The following KLF12 variants were observed in gnomAD, a reference collection of about 807,000 sequenced individuals.
The protein encoded by KLF12 is Krueppel-like factor 12.
In KLF12, 9 loss-of-function variants were observed where a neutral mutation model predicts 37.8. That is an observed-to-expected ratio of 0.24 (90% CI 0.14 to 0.42). The LOEUF is 0.42. Ranked by LOEUF, KLF12 falls within the 10% of genes least tolerant of loss-of-function variation. The probability of loss-of-function intolerance (pLI) is 1.00; values close to 1 mark genes in which losing one functional copy is unlikely to be tolerated. For missense variants in KLF12, 411 were observed against 516.0 expected (o/e 0.80, Z 1.97); for synonymous variants, 208 against 202.1 (o/e 1.03, Z -0.25).
chr13:74,133,676 CA>C (rs60415171), intron 1 of KLF12, among the ~76,000 whole-genome samples: 101,922 of 132,440 alleles, frequency 0.77, 38,712 homozygotes, highest in East Asian at 0.92. Flanking sequence ...TTTGGGATGG[CA>C]AAAAAAAAAA....
At chr13:73,812,575 T>C (rs1477754228) in intron 5 of KLF12, among the ~76,000 whole-genome samples, 1 of 151,946 alleles carries the variant, frequency 6.6e-6, no homozygotes, top group Non-Finnish European at 1.5e-5. Context: ...TTTTCAATCA[T>C]TTAGGTTCAA....
intron 1 of KLF12, among the ~76,000 whole-genome samples, chr13:74,012,569 C>G (rs950469833): frequency 1.3e-5 from 2 of 152,186 alleles, no homozygotes; most frequent in African/African-American, 2.4e-5. Context: ...ACAGTATCAT[C>G]TGGAAACTCA....
Position 73,970,013 on chromosome 13 carries a change from T to C in KLF12, c.33+24977A>G, listed in dbSNP as rs540963660. ...ACAGTGCTTAGTTAGGTTCAACAAA[T>C]GCTTGTTGTTTCACCTCCTCATGCC... On this transcript the variant is annotated intron_variant, in intron 2 of 7. Transcript: ENST00000377669. 7.9e-5 allele frequency among the ~76,000 whole-genome samples: 12 copies of C among 152,288 alleles called. No individual in the cohort carries two copies. In the East Asian group the frequency reaches 1.9e-3, roughly 25 times the overall value.
intron 2 of KLF12, among the ~76,000 whole-genome samples, chr13:73,945,823 C>A (rs1484080334): frequency 2.0e-5 from 3 of 152,162 alleles, no homozygotes; most frequent in Non-Finnish European, 4.4e-5. Context: ...TTTGACTTGT[C>A]CCTTTTTTCA....
chr13:74,013,521 T>C (rs575803697), intron 1 of KLF12, among the ~76,000 whole-genome samples: 3 of 152,218 alleles, frequency 2.0e-5, no homozygotes, highest in South Asian at 2.1e-4. Context: ...TAAACTCCTA[T>C]AGTAACAACA....
intron 2 of KLF12, among the ~76,000 whole-genome samples, chr13:73,947,992 G>A (rs569657131): frequency 6.6e-6 from 1 of 152,296 alleles, no homozygotes; most frequent in South Asian, 2.1e-4. Flanking sequence ...AAGGGTTCCT[G>A]TCATAAGTCA....
At chr13:73,874,832 G>A (rs1886628789) in intron 3 of KLF12, among the ~76,000 whole-genome samples, 1 of 152,084 alleles carries the variant, frequency 6.6e-6, no homozygotes, top group Non-Finnish European at 1.5e-5. Flanking sequence ...CAGGTTTTAA[G>A]TAAATCTCAC....
chr13:73,728,099 T>A (rs915002661), intron 6 of KLF12, among the ~76,000 whole-genome samples: 1 of 152,248 alleles, frequency 6.6e-6, no homozygotes, highest in East Asian at 1.9e-4. Context: ...ACCATGAATA[T>A]AGGACATCTT....
chr13:73,752,183 A>C (rs1046038817), intron 6 of KLF12, among the ~76,000 whole-genome samples: 1 of 152,040 alleles, frequency 6.6e-6, no homozygotes, highest in Non-Finnish European at 1.5e-5. Context: ...GGGTTTTGTC[A>C]TGCTGGCCAG....
At position 73,953,918 on chromosome 13, in the gene KLF12, T is replaced by C. The variant is rs554801199; in HGVS notation, c.34-9848A>G. On this transcript the variant is annotated intron_variant, in intron 2 of 7. Transcript: ENST00000377669. ...ATTTTTTCTTTGGCAGCCAGAAAAA[T>C]GTGCACACTGCTAAACAAGTAAACT... 1.5e-4 allele frequency among the ~76,000 whole-genome samples: 23 copies of C among 151,486 alleles called. No homozygotes were observed. In the South Asian group the frequency reaches 3.7e-3, roughly 25 times the overall value.
intron 4 of KLF12, among the ~76,000 whole-genome samples, chr13:73,819,128 A>G (rs1361552976): frequency 2.6e-5 from 4 of 152,194 alleles, no homozygotes; most frequent in African/African-American, 9.6e-5. Context: ...CTTTAGGATA[A>G]AAACATGGCT....
At chr13:73,859,454 A>AC (rs1246495710) in intron 3 of KLF12, among the ~76,000 whole-genome samples, 1 of 151,908 alleles carries the variant, frequency 6.6e-6, no homozygotes, top group Non-Finnish European at 1.5e-5. Flanking sequence ...GAAGAGAAAG[A>AC]CCTCCCGTCC....
chr13:73,845,749 C>T (rs1884975895), intron 4 of KLF12, 78 bp downstream of exon 4: 1 of 1,295,756 alleles, frequency 7.7e-7, no homozygotes, highest in South Asian at 1.4e-5. Context: ...TGTTTGTATA[C>T]AATTTAGGTT....
At position 73,689,387 on chromosome 13, in the gene KLF12, T is replaced by C. The variant is rs543805482; in HGVS notation, c.*6103A>G. ...TACTTTTAAAATTGCCCTTACCCGA[T>C]GTGTGACTCTCCATGAGTATAATTT... is the stretch of plus-strand genomic sequence containing the variant. On this transcript the variant is annotated 3_prime_UTR_variant, in exon 8 of 8. Transcript: ENST00000377669. The C allele has an allele frequency of 6.6e-6, 1 of 152,262 alleles. No individual in the cohort carries two copies. 9.4% of individuals were successfully genotyped at this position (152,262 alleles called of 1,614,324 possible).
the KLF12 span, among the ~76,000 whole-genome samples, chr13:74,169,865 G>A: frequency 1.3e-5 from 2 of 152,194 alleles, no homozygotes; most frequent in Admixed American, 6.5e-5. Context: ...TTCAACTTCA[G>A]GCTTGCTAAT....
intron 7 of KLF12, among the ~76,000 whole-genome samples, chr13:73,710,621 C>T (rs572469514): frequency 6.9e-4 from 105 of 152,128 alleles, no homozygotes; most frequent in Middle Eastern, 3.4e-3. Flanking sequence ...GTTTTGGGTT[C>T]GATGAACTGT....
At chr13:74,277,341 G>T in the KLF12 span, among the ~76,000 whole-genome samples, 1 of 152,142 alleles carries the variant, frequency 6.6e-6, no homozygotes, top group African/African-American at 2.4e-5. Context: ...GACCATGTTT[G>T]TGAAGTCTTC....
At chr13:73,827,146 T>C (rs1285328994) in intron 4 of KLF12, among the ~76,000 whole-genome samples, 1 of 152,244 alleles carries the variant, frequency 6.6e-6, no homozygotes, top group East Asian at 1.9e-4. Context: ...ATTCATACTC[T>C]TTCATTTAAT....
the KLF12 span, among the ~76,000 whole-genome samples, chr13:74,239,604 G>T: frequency 9.3e-6 from 1 of 107,796 alleles, no homozygotes; most frequent in Non-Finnish European, 1.8e-5. Context: ...CTCAGGACTT[G>T]CTTTATGAAT....
Sources: allele counts gnomAD v4.1 joint callset (sites outside exome capture counted in the v4.1 genomes callset), GRCh38; gene constraint gnomAD v4.1.1; transcripts MANE v1.5; gene names NCBI Gene and HGNC (gene_info 2026-07-23, HGNC 2026-07-21).